Variants in CFHR5 observed in about 807,000 individuals in gnomAD.
The protein encoded by CFHR5 is complement factor H-related protein 5.
A neutral mutation model predicts 62.9 loss-of-function variants in CFHR5; 73 were observed. The observed-to-expected ratio is 1.16, with a 90% CI of 0.96 to 1.41. The LOEUF (loss-of-function observed/expected upper bound fraction) is 1.41, where lower values mean the gene tolerates loss of function less well. Among genes scored for constraint, CFHR5 ranks in the 40% most tolerant of loss-of-function variants. The pLI, the probability that CFHR5 is intolerant of heterozygous loss-of-function variation, is 0.00. For missense variants in CFHR5, 779 were observed against 679.9 expected, an observed-to-expected ratio of 1.15 and a Z score of -1.62; for synonymous variants, 249 against 227.2, an observed-to-expected ratio of 1.10 and a Z score of -0.86.
chr1:196,984,995 T>G (rs1015361915), intron 3 of CFHR5, among the ~76,000 whole-genome samples: 1 of 152,136 alleles, frequency 6.6e-6, no homozygotes, highest in Non-Finnish European at 1.5e-5. Context: ...GTATTGAGGG[T>G]TTTTTCCTTT....
intron 9 of CFHR5, among the ~76,000 whole-genome samples, chr1:197,005,967 A>G (rs1654277659): frequency 6.6e-6 from 1 of 152,196 alleles, no homozygotes; most frequent in African/African-American, 2.4e-5. Flanking sequence ...CAGAAGTATC[A>G]TCTGAACAAT....
intron 3 of CFHR5, among the ~76,000 whole-genome samples, chr1:196,984,523 A>T (rs548495299): frequency 6.6e-6 from 1 of 152,288 alleles, no homozygotes; most frequent in African/African-American, 2.4e-5. Context: ...TTAAATTAAT[A>T]TGCTTGAGTC....
In CFHR5 at chr1:197,007,743, A is replaced by T. The variant is rs1654326902; in HGVS notation, c.1514-744A>T. Among the ~76,000 whole-genome samples the T allele has an allele frequency of 3.4e-5, 5 of 147,438 alleles. No homozygotes were observed. In the Admixed American group the frequency reaches 3.4e-4, roughly 10 times the overall value. On this transcript the variant is annotated intron_variant, in intron 9 of 9. Coordinates refer to ENST00000256785, the MANE Select transcript of CFHR5 (RefSeq NM_030787.4). Reference sequence around the variant, plus strand: ...CACATGATACATATACATACAATATATGTATACATATAATATACATATAAT... The same window carrying T: ...CACATGATACATATACATACAATATTTGTATACATATAATATACATATAAT...
Position 196,984,074 on chromosome 1 carries a change from A to G in CFHR5, c.367A>G (p.Asn123Asp), listed in dbSNP as rs746240586. 6.2e-7 allele frequency: 1 copy of G among 1,613,840 alleles called. No individual in the cohort carries two copies. The highest frequency in any genetic ancestry group is 8.5e-7 in the Non-Finnish European group (1 of 1,179,816). ...CAACACAGGATACAGCCTTCAAAAC[A>G]ATGAGAAAAACATTTCGTGTGTAGA... is the stretch of plus-strand genomic sequence containing the variant. ...ICNTGYSLQNNEKNISCVERG... is the reference protein window; with the variant it reads ...ICNTGYSLQNDEKNISCVERG... The change falls in exon 3 of 10, where the codon AAT becomes GAT. Residue 123 changes from asparagine to aspartate, a missense_variant. Asn to Asp is a conservative substitution (Grantham distance 23). Coordinates refer to ENST00000256785, the MANE Select transcript of CFHR5 (RefSeq NM_030787.4).
At chr1:196,982,822 A>AATC in intron 1 of CFHR5, 63 bp from the exon 2 acceptor site, 1 of 1,451,418 alleles carries the variant, frequency 6.9e-7, no homozygotes, top group East Asian at 2.3e-5. Flanking sequence ...ACTAAAATAT[A>AATC]ATCTAGTGAT....
chr1:196,990,076 G>A (rs927759220), intron 3 of CFHR5, among the ~76,000 whole-genome samples: 5 of 152,074 alleles, frequency 3.3e-5, no homozygotes, highest in East Asian at 3.9e-4. Context: ...TATATATTTC[G>A]GATAGTTAGC....
Position 196,995,804 on chromosome 1 carries a change from T to C in CFHR5, c.695T>C (p.Val232Ala). 5 of 1,611,868 alleles carry C rather than the reference T, an allele frequency of 3.1e-6. No individual in the cohort carries two copies. The highest frequency in any genetic ancestry group is 4.2e-6 in the Non-Finnish European group (5 of 1,178,152). Residue 232 changes from valine to alanine, a missense_variant, in exon 5 of 10, where the codon GTA becomes GCA. Coordinates refer to ENST00000256785, the MANE Select transcript of CFHR5 (RefSeq NM_030787.4). ...AAAGAGGAATATGGACACAATGAAG[T>C]AGTGGAATATGATTGCAATCCTAAT... ...IRKEEYGHNE[V>A]VEYDCNPNFI...
At chr1:197,007,372 A>G (rs1654315925) in intron 9 of CFHR5, among the ~76,000 whole-genome samples, 1 of 152,112 alleles carries the variant, frequency 6.6e-6, no homozygotes, top group African/African-American at 2.4e-5. Flanking sequence ...ATCAATCAAA[A>G]TTCAGTATAA....
rs758576519 is a variant in CFHR5, at chr1:196,980,590, ACGTG to A, written c.59-2294_59-2291del. On this transcript the variant is annotated intron_variant, in intron 1 of 9. Transcript: ENST00000256785. ...TAAATGACTGTATGTCTGTATATAT[ACGTG>A]TGTGTGTGTGTGTGTGTGTGTGTGT... is the stretch of plus-strand genomic sequence containing the variant. Among the ~76,000 whole-genome samples, 440 of 120,224 alleles carry A rather than the reference ACGTG, an allele frequency of 3.7e-3. 10 individuals carry two copies. The highest frequency in any genetic ancestry group is 0.022 in the Middle Eastern group (5 of 230). 78.9% of individuals were successfully genotyped at this position (120,224 alleles called of 152,430 possible). A position where few individuals can be genotyped will look rare whatever the true frequency, so the allele number is the denominator to read the frequency against.
At chr1:196,999,162 A>G (rs1654067454) in intron 7 of CFHR5, among the ~76,000 whole-genome samples, 1 of 152,010 alleles carries the variant, frequency 6.6e-6, no homozygotes, top group Non-Finnish European at 1.5e-5. Context: ...TGATGTCATT[A>G]GAAATTGTGA....
In CFHR5 at chr1:196,994,065, T is replaced by C. The variant is rs202064177; in HGVS notation, c.431-15T>C. 7.5e-6 allele frequency: 12 copies of C among 1,600,074 alleles called. 1 individual carries two copies. The African/African-American group carries it at 1.1e-4, about 14-fold the overall frequency. ...CAATGAAAATTCACATATGTTCATTTAATTTTATTTTTAGAAGGAGAATGT... is the reference window on the plus strand; with the variant it reads ...CAATGAAAATTCACATATGTTCATTCAATTTTATTTTTAGAAGGAGAATGT... On this transcript the variant is annotated splice_polypyrimidine_tract_variant and intron_variant, in intron 3 of 9. Coordinates refer to ENST00000256785, the MANE Select transcript of CFHR5 (RefSeq NM_030787.4).
intron 1 of CFHR5, among the ~76,000 whole-genome samples, chr1:196,978,464 G>A (rs185049639): frequency 6.6e-6 from 1 of 152,218 alleles, no homozygotes; most frequent in Non-Finnish European, 1.5e-5. Flanking sequence ...TGTACGTGAA[G>A]TTTCAATCAT....
chr1:197,000,213 G>A (rs1654114052), intron 7 of CFHR5, among the ~76,000 whole-genome samples: 1 of 152,026 alleles, frequency 6.6e-6, no homozygotes, highest in African/African-American at 2.4e-5. Context: ...GAGAAGAGCT[G>A]GTAGCTAGTA....
At chr1:196,995,261 G>A (rs970483875) in intron 4 of CFHR5, among the ~76,000 whole-genome samples, 1 of 152,050 alleles carries the variant, frequency 6.6e-6, no homozygotes, top group Non-Finnish European at 1.5e-5. Context: ...CAATCAGGAT[G>A]TTTAAATATA....
rs1332664 is a variant in CFHR5, at chr1:196,998,328, G to T, written c.1147+24G>T. 0.19 allele frequency: 302,664 copies of T among 1,578,602 alleles called. 39,374 individuals are homozygous for T. The highest frequency in any genetic ancestry group is 0.68 in the East Asian group (30,295 of 44,384). ...AGGTAAGATTTGTTTAAAACATTTT[G>T]TTGATCTTGTTGCTTCTTTACAAGA... On this transcript the variant is annotated intron_variant, in intron 7 of 9. Coordinates refer to ENST00000256785, the MANE Select transcript of CFHR5 (RefSeq NM_030787.4).
intron 1 of CFHR5, among the ~76,000 whole-genome samples, chr1:196,979,921 ACT>A (rs1653494801): frequency 6.6e-6 from 1 of 151,512 alleles, no homozygotes; most frequent in South Asian, 2.1e-4. Context: ...TTAACTTGTA[ACT>A]CTTTTGTTTT....
intron 3 of CFHR5, among the ~76,000 whole-genome samples, chr1:196,986,750 T>C (rs1484525242): frequency 6.6e-6 from 1 of 152,224 alleles, no homozygotes; most frequent in African/African-American, 2.4e-5. Context: ...TGCCGCATTT[T>C]CTTAATCCAG....
intron 6 of CFHR5, among the ~76,000 whole-genome samples, chr1:196,996,975 A>T (rs9727516): frequency 0.014 from 2,066 of 151,760 alleles, 42 homozygotes; most frequent in African/African-American, 0.046. Context: ...ACTTGCAGGT[A>T]TTTTTTTTCC....
intron 6 of CFHR5, 38 bp from the exon 7 acceptor site, chr1:196,998,090 A>G (rs112604976): frequency 6.4e-6 from 8 of 1,255,222 alleles, no homozygotes; most frequent in African/African-American, 3.0e-5. Flanking sequence ...TTTTATTGAC[A>G]TAATTGTTTA....
Sources: gnomAD v4.1 joint callset for allele counts (sites outside exome capture counted in the v4.1 genomes callset) on GRCh38, gnomAD v4.1.1 for gene constraint, MANE v1.5 for transcripts, NCBI Gene and HGNC (gene_info 2026-07-23, HGNC 2026-07-21) for gene names.